BBS9: variants seen among roughly 807,000 people sequenced by gnomAD.
BBS9 encodes Bardet-Biedl syndrome 9.
BBS9 carries 89 observed loss-of-function variants against 117.7 expected under a neutral mutation model. That is an observed-to-expected ratio of 0.76 (90% CI 0.64 to 0.90). The LOEUF (loss-of-function observed/expected upper bound fraction) is 0.90. Among genes scored for constraint, BBS9 ranks in the 40% least tolerant of loss-of-function variants. The pLI is 0.00. For missense variants in BBS9, 982 were observed against 1,042.2 expected, an observed-to-expected ratio of 0.94 and a Z score of 0.80; for synonymous variants, 379 against 370.9, an observed-to-expected ratio of 1.02 and a Z score of -0.25.
intron 19 of BBS9, among the ~76,000 whole-genome samples, chr7:33,442,994 A>T (rs1406758059): frequency 6.6e-6 from 1 of 152,094 alleles, no homozygotes. Context: ...AAGTTAATGG[A>T]CTTGGTTTTT....
intron 9 of BBS9, among the ~76,000 whole-genome samples, chr7:33,321,628 T>C (rs1811732628): frequency 6.6e-6 from 1 of 152,130 alleles, no homozygotes; most frequent in Non-Finnish European, 1.5e-5. Flanking sequence ...GTGGAGTCTT[T>C]AGTTCTTTCC....
At position 33,403,874 on chromosome 7, in the gene BBS9, C is replaced by A. The variant is rs576595041; in HGVS notation, c.2115+15730C>A. ...TCAAATGGTATTTCTAGTTCTAGATCCCTGAGGAATCGCCACACCGACTTC... is the reference window on the plus strand; with the variant it reads ...TCAAATGGTATTTCTAGTTCTAGATACCTGAGGAATCGCCACACCGACTTC... On this transcript the variant is annotated intron_variant, in intron 19 of 22. Coordinates refer to ENST00000242067, the MANE Select transcript of BBS9 (RefSeq NM_198428.3). 4.6e-5 allele frequency among the ~76,000 whole-genome samples: 7 copies of A among 152,180 alleles called. 1 individual carries two copies. The South Asian group carries it at 1.5e-3, about 32-fold the overall frequency.
intron 4 of BBS9, among the ~76,000 whole-genome samples, chr7:33,157,416 G>A (rs1483035330): frequency 6.6e-6 from 1 of 152,074 alleles, no homozygotes; most frequent in African/African-American, 2.4e-5. Flanking sequence ...ATTCTCTGGG[G>A]ACTAGGAGTT....
At chr7:33,343,244 A>C (rs1366325008) in intron 11 of BBS9, among the ~76,000 whole-genome samples, 2 of 152,170 alleles carry the variant, frequency 1.3e-5, no homozygotes, top group Non-Finnish European at 2.9e-5. Context: ...AGAATTCATA[A>C]CGGTATTATT....
At chr7:33,230,862 A>T (rs1792236025) in intron 5 of BBS9, among the ~76,000 whole-genome samples, 1 of 152,140 alleles carries the variant, frequency 6.6e-6, no homozygotes, top group South Asian at 2.1e-4. Context: ...ACAACTGTGA[A>T]TTGTGCTGCA....
chr7:33,137,329 C>G (rs79220840), intron 1 of BBS9, among the ~76,000 whole-genome samples: 30,055 of 152,068 alleles, frequency 0.2, 3,139 homozygotes, highest in Non-Finnish European at 0.23. Flanking sequence ...TTCCCGGGCC[C>G]CCGACAGTGC....
At chr7:33,323,398 A>T (rs1015027271) in intron 9 of BBS9, among the ~76,000 whole-genome samples, 3 of 152,102 alleles carry the variant, frequency 2.0e-5, no homozygotes, top group African/African-American at 7.2e-5. Flanking sequence ...AATTTGCTTC[A>T]TTTATTTGGA....
At chr7:33,494,276 CCAA>C (rs1844421827) in intron 19 of BBS9, among the ~76,000 whole-genome samples, 1 of 151,972 alleles carries the variant, frequency 6.6e-6, no homozygotes, top group Non-Finnish European at 1.5e-5. Flanking sequence ...TGGGGCAGCC[CCAA>C]CAACAACAAA....
intron 19 of BBS9, among the ~76,000 whole-genome samples, chr7:33,456,416 A>G (rs781071584): frequency 5.9e-5 from 9 of 152,192 alleles, no homozygotes; most frequent in Non-Finnish European, 1.0e-4. Flanking sequence ...TAATAAAAGA[A>G]ATAAGATGCT....
rs531926088 is a variant in BBS9 at position 33,184,646 on chromosome 7, G to C, written c.442+7055G>C. 2.6e-5 allele frequency among the ~76,000 whole-genome samples: 4 copies of C among 152,230 alleles called. No homozygotes were observed. The East Asian group carries it at 7.7e-4, about 29-fold the overall frequency. On this transcript the variant is annotated intron_variant, in intron 5 of 22. Coordinates refer to ENST00000242067, the MANE Select transcript of BBS9 (RefSeq NM_198428.3). ...CACCACTTAACCATAGTCGGCCAATGGGTTCTGCATTCTGTTTCCTTTGGG... is the reference window on the plus strand; with the variant it reads ...CACCACTTAACCATAGTCGGCCAATCGGTTCTGCATTCTGTTTCCTTTGGG...
intron 9 of BBS9, among the ~76,000 whole-genome samples, chr7:33,329,004 T>C (rs1449308039): frequency 2.7e-5 from 4 of 148,230 alleles, no homozygotes; most frequent in Non-Finnish European, 6.0e-5. Flanking sequence ...TTTATTTATT[T>C]ATTTATTTAT....
At chr7:33,481,548 G>A (rs112519531) in intron 19 of BBS9, among the ~76,000 whole-genome samples, 299 of 152,214 alleles carry the variant, frequency 2.0e-3, no homozygotes, top group African/African-American at 6.8e-3. Context: ...ATGCTTATGT[G>A]ATACAATGTG....
At chr7:33,241,713 T>C (rs765633482) in intron 5 of BBS9, among the ~76,000 whole-genome samples, 21 of 152,124 alleles carry the variant, frequency 1.4e-4, no homozygotes, top group African/African-American at 4.3e-4. Context: ...TTAAAACTGC[T>C]CTTAGAGTTT....
At chr7:33,439,952 T>C (rs1835917504) in intron 19 of BBS9, among the ~76,000 whole-genome samples, 2 of 152,184 alleles carry the variant, frequency 1.3e-5, no homozygotes, top group South Asian at 4.1e-4. Flanking sequence ...GAGTCAACCT[T>C]AGTGTTTGGG....
At chr7:33,163,292 T>C (rs1022569893) in intron 4 of BBS9, among the ~76,000 whole-genome samples, 6 of 152,260 alleles carry the variant, frequency 3.9e-5, no homozygotes, top group African/African-American at 1.4e-4. Flanking sequence ...AAAATTCTCT[T>C]TTTTTTGCTG....
chr7:33,154,167 A>G (rs573903640), intron 3 of BBS9, among the ~76,000 whole-genome samples: 172 of 152,292 alleles, frequency 1.1e-3, no homozygotes, highest in Admixed American at 2.0e-3. Context: ...AAAATTTCCA[A>G]AGGTGATACT....
chr7:33,547,280 A>G (rs989166037), intron 21 of BBS9, among the ~76,000 whole-genome samples: 3 of 152,180 alleles, frequency 2.0e-5, no homozygotes, highest in Non-Finnish European at 4.4e-5. Context: ...AAGCAAATAA[A>G]TGGAAGAAAA....
At chr7:33,135,778 C>T (rs1790362678) in intron 1 of BBS9, among the ~76,000 whole-genome samples, 3 of 152,154 alleles carry the variant, frequency 2.0e-5, no homozygotes, top group South Asian at 2.1e-4. Context: ...GAAGTATTGC[C>T]GTCCTAACAA....
At chr7:33,589,386 T>C (rs1861492497) in intron 21 of BBS9, among the ~76,000 whole-genome samples, 1 of 152,104 alleles carries the variant, frequency 6.6e-6, no homozygotes, top group Admixed American at 6.6e-5. Context: ...TTTCTGGAAT[T>C]TTTTATTTAA....
Sources: gnomAD v4.1 joint callset for allele counts (sites outside exome capture counted in the v4.1 genomes callset) on GRCh38, gnomAD v4.1.1 for gene constraint, MANE v1.5 for transcripts, NCBI Gene and HGNC (gene_info 2026-07-23, HGNC 2026-07-21) for gene names.